The following ACOX3 variants were observed in gnomAD, a reference collection of about 807,000 sequenced individuals.
ACOX3 encodes the protein acyl-CoA oxidase 3, pristanoyl, also known as peroxisomal acyl-coenzyme A oxidase 3.
A neutral mutation model predicts 81.5 loss-of-function variants in ACOX3; 73 were observed. That is an observed-to-expected ratio of 0.90 (90% CI 0.74 to 1.09). The LOEUF is 1.09. ACOX3 is among the 50% of genes least tolerant of loss of function. ACOX3 has a pLI of 0.00. For synonymous variants in ACOX3, 387 were observed against 375.1 expected, an observed-to-expected ratio of 1.03 and a Z score of -0.37; for missense variants, 947 against 928.0, an observed-to-expected ratio of 1.02 and a Z score of -0.27.
At chr4:8,401,362 G>A (rs12503034) in intron 7 of ACOX3, among the ~76,000 whole-genome samples, 53,025 of 152,000 alleles carry the variant, frequency 0.35, 10,085 homozygotes, top group South Asian at 0.46. Context: ...GGGAACCAGA[G>A]GCACCCGTTT....
chr4:8,437,059 A>G lies in ACOX3; in HGVS notation c.-15+3589T>C, dbSNP rs1194103338. On this transcript the variant is annotated intron_variant, in intron 1 of 17. Transcript: ENST00000356406. This position sits in a 1 kb window ranked among gnomAD's most constrained non-coding sequence, Gnocchi z 5.2. Reference sequence around the variant, plus strand: ...TATATATAAATATATATATACAAATATATGTAAATATATAGAAATATATAC... The same window carrying G: ...TATATATAAATATATATATACAAATGTATGTAAATATATAGAAATATATAC... 6.9e-6 allele frequency among the ~76,000 whole-genome samples: 1 copy of G among 145,472 alleles called. No individual in the cohort carries two copies. Among genetic ancestry groups the G allele is most frequent in the Admixed American group, 7.0e-5 (1 of 14,350 alleles).
chr4:8,360,788 T>C, the ACOX3 span, among the ~76,000 whole-genome samples: 4 of 152,242 alleles, frequency 2.6e-5, no homozygotes, highest in Admixed American at 1.3e-4. Context: ...TTAAAAATTA[T>C]TCAGTTTCCT....
At position 8,368,246 on chromosome 4, in the gene ACOX3, C is replaced by G. The variant is rs950485061; in HGVS notation, c.1984-1166G>C. Among the ~76,000 whole-genome samples, 34 of 152,376 alleles carry G rather than the reference C, an allele frequency of 2.2e-4. No individual in the cohort carries two copies. Among genetic ancestry groups the G allele is most frequent in the African/African-American group, 8.2e-4 (34 of 41,596 alleles). Reference sequence around the variant, plus strand: ...TGGTCCTGCCCCGGGCCAGCACTCCCCTACGGGAGGTGCAGACTTCACTGC... The same window carrying G: ...TGGTCCTGCCCCGGGCCAGCACTCCGCTACGGGAGGTGCAGACTTCACTGC... On this transcript the variant is annotated intron_variant, in intron 17 of 17. Transcript: ENST00000356406. The surrounding 1 kb of genome is among the most constrained non-coding windows in gnomAD (Gnocchi z 5.9).
At chr4:8,413,566 A>C (rs1722014201) in intron 5 of ACOX3, among the ~76,000 whole-genome samples, 1 of 125,868 alleles carries the variant, frequency 7.9e-6, no homozygotes, top group Non-Finnish European at 1.6e-5. Context: ...GTCCCGTCTC[A>C]CTGCACCTCT....
intron 1 of ACOX3, among the ~76,000 whole-genome samples, chr4:8,435,483 G>A (rs1440478406): frequency 6.6e-6 from 1 of 151,296 alleles, no homozygotes; most frequent in Admixed American, 6.6e-5. Context: ...GCAACAGAGC[G>A]AGACTCCGTC....
intron 1 of ACOX3, among the ~76,000 whole-genome samples, chr4:8,417,603 T>C (rs1722482082): frequency 1.3e-5 from 2 of 152,300 alleles, no homozygotes; most frequent in South Asian, 4.1e-4. Flanking sequence ...CTCAGAGTCA[T>C]GCCTTTCAAG....
chr4:8,391,019 A>ATGTATGTGTATG (rs1234631850), intron 11 of ACOX3, among the ~76,000 whole-genome samples: 2 of 124,392 alleles, frequency 1.6e-5, no homozygotes, highest in Non-Finnish European at 3.5e-5. Context: ...GTATGTGTAT[A>ATGTATGTGTATG]TGTATATGTA....
intron 10 of ACOX3, 72 bp from the exon 11 acceptor site, chr4:8,392,525 T>C (rs937574888): frequency 4.2e-6 from 6 of 1,433,736 alleles, no homozygotes; most frequent in Middle Eastern, 1.9e-4. Context: ...AAGTCAGCAA[T>C]AGCATCAAAC....
chr4:8,428,489 G>T, intron 1 of ACOX3: 1 of 152,448 alleles, frequency 6.6e-6, no homozygotes, highest in Non-Finnish European at 1.5e-5. Flanking sequence ...CGTCCCATGG[G>T]CGGGGCGGAG....
intron 14 of ACOX3, among the ~76,000 whole-genome samples, chr4:8,378,707 C>T (rs1046536005): frequency 7.2e-5 from 11 of 152,208 alleles, no homozygotes; most frequent in Middle Eastern, 3.4e-3. Flanking sequence ...GTCACTCAGC[C>T]AAAAAATGAG....
chr4:8,426,391 C>A (rs1237501745), intron 1 of ACOX3, among the ~76,000 whole-genome samples: 1 of 152,020 alleles, frequency 6.6e-6, no homozygotes, highest in Non-Finnish European at 1.5e-5. Flanking sequence ...CCAAAGGAAC[C>A]CAAAAATTCA....
At chr4:8,379,272 G>A (rs71603929) in intron 14 of ACOX3, among the ~76,000 whole-genome samples, 2,653 of 152,298 alleles carry the variant, frequency 0.017, 39 homozygotes, top group Non-Finnish European at 0.029. Flanking sequence ...AAGGGGCTGC[G>A]TCTCCCCTGG....
At chr4:8,357,342 T>A in the ACOX3 span, 1 of 438,938 alleles carries the variant, frequency 2.3e-6, no homozygotes, top group South Asian at 1.6e-5. Context: ...GCTTCAGTGC[T>A]GGGTGCAGGA....
chr4:8,359,031 C>T, the ACOX3 span, among the ~76,000 whole-genome samples: 1 of 152,082 alleles, frequency 6.6e-6, no homozygotes, highest in South Asian at 2.1e-4. The surrounding 1 kb of genome is among the most constrained non-coding windows in gnomAD (Gnocchi z 6.0). Flanking sequence ...TGGAAAGAAC[C>T]ATAGTGTGGA....
rs115146093 is a variant in ACOX3 at position 8,389,264 on chromosome 4, C to A, written c.1446G>T (p.Pro482=). 18 of 1,613,046 alleles carry A rather than the reference C, an allele frequency of 1.1e-5. No individual in the cohort carries two copies. Among genetic ancestry groups the A allele is most frequent in the Non-Finnish European group, 1.5e-5 (18 of 1,179,642 alleles). The change falls in exon 13 of 18, where the codon CCG becomes CCT. Residue 482 remains proline (P), a synonymous_variant. Coordinates refer to ENST00000356406, the MANE Select transcript of ACOX3 (RefSeq NM_003501.3). The surrounding 1 kb of genome is among the most constrained non-coding windows in gnomAD (Gnocchi z 5.3). ...QVHDGACFRS[P]LKSVDFLDAY... is the part of the protein sequence containing the mutation. ...CGTCCAGAAAGTCCACTGACTTCAG[C>A]GGACTGCGGAAGCAAGCTCCATCTA... is the stretch of plus-strand genomic sequence containing the variant.
At chr4:8,439,856 A>G (rs1446496250) in intron 1 of ACOX3, among the ~76,000 whole-genome samples, 1 of 152,224 alleles carries the variant, frequency 6.6e-6, no homozygotes, top group Non-Finnish European at 1.5e-5. Flanking sequence ...GGAGACCACT[A>G]CTACTCCTGC....
intron 8 of ACOX3, among the ~76,000 whole-genome samples, chr4:8,398,563 C>T (rs1204194994): frequency 6.6e-6 from 1 of 152,218 alleles, no homozygotes; most frequent in Non-Finnish European, 1.5e-5. Flanking sequence ...CTCACTGCAG[C>T]CTGACTTCCT....
rs1444325977 is a variant in ACOX3 at position 8,399,646 on chromosome 4, G to A, written c.783C>T (p.Ala261=). The A allele has an allele frequency of 6.2e-7, 1 of 1,614,108 alleles. No homozygotes were observed. The highest frequency in any genetic ancestry group is 8.5e-7 in the Non-Finnish European group (1 of 1,179,962). ...LGQNGLDNGF[A]MFHKVRVPRQ... ...GAGGAACTCTGACCTTGTGGAACATGGCGAAACTGTGGGGAAGCAGCAGGG... is the reference window on the plus strand; with the variant it reads ...GAGGAACTCTGACCTTGTGGAACATAGCGAAACTGTGGGGAAGCAGCAGGG... The change falls in exon 8 of 18, where the codon GCC becomes GCT. Residue 261 remains alanine, a synonymous_variant. Transcript: ENST00000356406. The surrounding 1 kb of genome is among the most constrained non-coding windows in gnomAD (Gnocchi z 4.9).
At position 8,384,691 on chromosome 4, in the gene ACOX3, C is replaced by T. The variant is rs1487961492; in HGVS notation, c.1538-3084G>A. On this transcript the variant is annotated intron_variant, in intron 13 of 17. Transcript: ENST00000356406. This position sits in a 1 kb window ranked among gnomAD's most constrained non-coding sequence, Gnocchi z 5.3. Reference sequence around the variant, plus strand: ...CTCTTCGCATGCACTGCCTGCCTTTCGGGTCTCGGTTTCCTCTCCCGTCTC... The same window carrying T: ...CTCTTCGCATGCACTGCCTGCCTTTTGGGTCTCGGTTTCCTCTCCCGTCTC... Among the ~76,000 whole-genome samples, 5 of 152,152 alleles carry T rather than the reference C, an allele frequency of 3.3e-5. No homozygotes were observed. Among genetic ancestry groups the T allele is most frequent in the East Asian group, 1.9e-4 (1 of 5,184 alleles).
Sources: gnomAD v4.1 joint callset for allele counts (sites outside exome capture counted in the v4.1 genomes callset) on GRCh38, gnomAD v4.1.1 for gene constraint, Gnocchi (gnomAD v3.1) non-coding constraint, MANE v1.5 for transcripts, NCBI Gene and HGNC (gene_info 2026-07-23, HGNC 2026-07-21) for gene names.